Variants in CDH12 observed in about 807,000 individuals in gnomAD.
CDH12 encodes the protein cadherin 12.
Under a neutral mutation model 74.1 loss-of-function variants are expected in CDH12, and 41 were observed. The observed-to-expected ratio is 0.55, with a 90% CI of 0.43 to 0.72. The LOEUF (loss-of-function observed/expected upper bound fraction) is 0.72. CDH12 is among the 30% of genes least tolerant of loss of function. The probability of loss-of-function intolerance (pLI) is 0.00; values close to 1 mark genes in which losing one functional copy is unlikely to be tolerated. For missense variants in CDH12, 945 were observed against 977.2 expected (o/e 0.97, Z 0.44); for synonymous variants, 399 against 355.0 (o/e 1.12, Z -1.39).
At chr5:22,005,486 T>C (rs1736892086) in intron 5 of CDH12, among the ~76,000 whole-genome samples, 1 of 152,058 alleles carries the variant, frequency 6.6e-6, no homozygotes, top group African/African-American at 2.4e-5. Context: ...TTCCTTTGTG[T>C]AGATATACAG....
chr5:22,705,054 A>C (rs1469433678), intron 1 of CDH12, among the ~76,000 whole-genome samples: 1 of 151,252 alleles, frequency 6.6e-6, no homozygotes, highest in Non-Finnish European at 1.5e-5. Flanking sequence ...ACGCATATAT[A>C]ATGTGCGTGT....
intron 1 of CDH12, among the ~76,000 whole-genome samples, chr5:22,659,126 T>C (rs1740217429): frequency 6.6e-6 from 1 of 152,158 alleles, no homozygotes; most frequent in Admixed American, 6.5e-5. Flanking sequence ...ATTTTCTTTG[T>C]GTCCATTAAG....
intron 4 of CDH12, among the ~76,000 whole-genome samples, chr5:22,170,661 C>T (rs1210474319): frequency 1.3e-5 from 2 of 151,582 alleles, no homozygotes; most frequent in Non-Finnish European, 3.0e-5. Flanking sequence ...TCTTCCCAGG[C>T]TACTTCTGAA....
chr5:21,962,955 C>T (rs1756425926), intron 6 of CDH12, among the ~76,000 whole-genome samples: 1 of 152,058 alleles, frequency 6.6e-6, no homozygotes, highest in Non-Finnish European at 1.5e-5. Flanking sequence ...CAGCTTTTGA[C>T]GAAATTGGTG....
intron 1 of CDH12, among the ~76,000 whole-genome samples, chr5:22,653,377 A>G (rs1739841408): frequency 6.6e-6 from 1 of 152,008 alleles, no homozygotes; most frequent in African/African-American, 2.4e-5. Context: ...GCTTGATTAC[A>G]CTGCTCTTCC....
intron 4 of CDH12, among the ~76,000 whole-genome samples, chr5:22,148,097 G>A (rs145045531): frequency 1.8e-3 from 271 of 152,118 alleles, no homozygotes; most frequent in Middle Eastern, 6.8e-3. Flanking sequence ...CCTGTACAGC[G>A]CCCCTTTTCT....
intron 1 of CDH12, among the ~76,000 whole-genome samples, chr5:22,543,476 A>T (rs1456391024): frequency 6.6e-6 from 1 of 152,196 alleles, no homozygotes. Flanking sequence ...TAGTAAAATT[A>T]TTAATAATTA....
chr5:22,097,098 T>C (rs568925332), intron 4 of CDH12, among the ~76,000 whole-genome samples: 1 of 152,250 alleles, frequency 6.6e-6, no homozygotes, highest in East Asian at 1.9e-4. Context: ...CAGAACCTCC[T>C]CCCTCAGGAG....
At chr5:21,964,365 C>G (rs1430988312) in intron 6 of CDH12, among the ~76,000 whole-genome samples, 5 of 152,012 alleles carry the variant, frequency 3.3e-5, no homozygotes, top group South Asian at 2.1e-4. Flanking sequence ...GAAGCACTTT[C>G]CTAAACACTT....
chr5:22,260,899 T>C (rs941441677), intron 3 of CDH12, among the ~76,000 whole-genome samples: 2 of 151,982 alleles, frequency 1.3e-5, no homozygotes, highest in East Asian at 1.9e-4. Context: ...CTTAAGTAGA[T>C]AACTGGCTTA....
intron 6 of CDH12, among the ~76,000 whole-genome samples, chr5:21,948,702 A>C (rs1423730114): frequency 6.6e-6 from 1 of 152,088 alleles, no homozygotes; most frequent in African/African-American, 2.4e-5. Context: ...GAGATCTGGG[A>C]GGGTCCAGGG....
intron 1 of CDH12, among the ~76,000 whole-genome samples, chr5:22,562,175 G>A (rs960178721): frequency 4.6e-5 from 7 of 152,018 alleles, no homozygotes; most frequent in Non-Finnish European, 8.8e-5. Flanking sequence ...AAATTAGCCG[G>A]GCGTAGTGGC....
At chr5:22,235,311 G>A (rs527398975) in intron 3 of CDH12, among the ~76,000 whole-genome samples, 5 of 152,176 alleles carry the variant, frequency 3.3e-5, no homozygotes, top group African/African-American at 9.6e-5. Context: ...GCCAGACACC[G>A]TGGCTCACGT....
At chr5:22,673,629 TTCTCC>T (rs1279567585) in intron 1 of CDH12, among the ~76,000 whole-genome samples, 1 of 152,146 alleles carries the variant, frequency 6.6e-6, no homozygotes, top group Non-Finnish European at 1.5e-5. Context: ...AGCTCACTAG[TTCTCC>T]TCATACCACA....
At chr5:21,950,487 T>A (rs1446461023) in intron 6 of CDH12, among the ~76,000 whole-genome samples, 1 of 151,494 alleles carries the variant, frequency 6.6e-6, no homozygotes, top group Non-Finnish European at 1.5e-5. Flanking sequence ...ACATATAAAT[T>A]GTTAAACATA....
chr5:22,718,885 C>G (rs1341322674), intron 1 of CDH12, among the ~76,000 whole-genome samples: 1 of 152,184 alleles, frequency 6.6e-6, no homozygotes, highest in Non-Finnish European at 1.5e-5. Context: ...TGACTGGAAG[C>G]TCTGCATGTG....
intron 6 of CDH12, among the ~76,000 whole-genome samples, chr5:21,864,277 G>A (rs147886717): frequency 1.7e-4 from 26 of 152,184 alleles, no homozygotes; most frequent in African/African-American, 4.3e-4. Flanking sequence ...ACTACTCCTC[G>A]ATGTGTCTGT....
chr5:21,795,713 A>T (rs1746743148), intron 10 of CDH12, among the ~76,000 whole-genome samples: 2 of 152,012 alleles, frequency 1.3e-5, no homozygotes, highest in Admixed American at 1.3e-4. Context: ...AATAGAAGTT[A>T]TACATACTGC....
At chr5:22,220,940 CA>C (rs1751992504) in intron 3 of CDH12, among the ~76,000 whole-genome samples, 1 of 151,516 alleles carries the variant, frequency 6.6e-6, no homozygotes, top group Admixed American at 6.6e-5. Context: ...CAGAGAGAAA[CA>C]GGTCATCTAC....
Sources: allele counts gnomAD v4.1 joint callset (sites outside exome capture counted in the v4.1 genomes callset), GRCh38; gene constraint gnomAD v4.1.1; transcripts MANE v1.5; gene names NCBI Gene and HGNC (gene_info 2026-07-23, HGNC 2026-07-21).